MCCC1: variants seen among roughly 807,000 people sequenced by gnomAD.
MCCC1 encodes the protein methylcrotonoyl-CoA carboxylase subunit alpha, mitochondrial.
In MCCC1, 64 loss-of-function variants were observed where a neutral mutation model predicts 83.8. The observed-to-expected ratio is 0.76, with a 90% confidence interval of 0.62 to 0.94. The LOEUF is 0.94. Among genes scored for constraint, MCCC1 ranks in the 40% least tolerant of loss-of-function variants. The probability of loss-of-function intolerance (pLI) is 0.00; values close to 1 mark genes in which losing one functional copy is unlikely to be tolerated. For missense variants in MCCC1, 807 were observed against 904.7 expected (o/e 0.89, Z 1.39); for synonymous variants, 322 against 315.4 (o/e 1.02, Z -0.22).
In MCCC1 at chr3:183,071,068, G is replaced by A; in HGVS notation, c.692C>T (p.Ala231Val). ...GAAAGACTTCTTAGCTTCTCTCCGT[G>A]CTGACTCTAACTGTTCTTGAAATTC... ...EQEFQEQLES[A>V]RREAKKSFND... Residue 231 changes from alanine (A) to valine (V), a missense_variant, in exon 7 of 19, where the codon GCA (alanine) becomes GTA (valine). Physicochemically the swap from Ala to Val is moderately conservative, Grantham distance 64. Transcript: ENST00000265594. 2 of 1,614,156 alleles carry A rather than the reference G, an allele frequency of 1.2e-6. No individual in the cohort carries two copies. Among genetic ancestry groups the A allele is most frequent in the African/African-American group, 1.3e-5 (1 of 75,044 alleles).
intron 17 of MCCC1, among the ~76,000 whole-genome samples, chr3:183,018,871 A>C (rs1239372159): frequency 6.6e-6 from 1 of 152,198 alleles, no homozygotes; most frequent in Non-Finnish European, 1.5e-5. Flanking sequence ...AACAGAATCA[A>C]ACTTATTAGC....
At chr3:183,100,130 C>CA (rs1247135609), upstream of MCCC1, among the ~76,000 whole-genome samples, 5 of 151,904 alleles carry the variant, frequency 3.3e-5, no homozygotes, top group Non-Finnish European at 7.4e-5. Flanking sequence ...CACAGGTTCA[C>CA]AAAAAATAAA....
chr3:183,105,707 A>AG (rs1190037334), intron 1 of MCCC1, among the ~76,000 whole-genome samples: 5 of 152,306 alleles, frequency 3.3e-5, no homozygotes, highest in South Asian at 2.1e-4. Flanking sequence ...GAAGAAAGAA[A>AG]AAAAAAAACT....
At chr3:183,108,209 T>C (rs1172122653) in intron 1 of MCCC1, among the ~76,000 whole-genome samples, 2 of 152,228 alleles carry the variant, frequency 1.3e-5, no homozygotes, top group Non-Finnish European at 2.9e-5. Flanking sequence ...CTGTGGGTTG[T>C]TGGCCTAGGG....
intron 4 of MCCC1, among the ~76,000 whole-genome samples, chr3:183,078,284 T>G (rs1717228795): frequency 1.3e-5 from 2 of 152,210 alleles, no homozygotes; most frequent in South Asian, 4.1e-4. Flanking sequence ...TCTCCCAAAA[T>G]GCTGGGGATT....
At chr3:183,038,925 G>T in intron 12 of MCCC1, 101 bp downstream of exon 12, 1 of 1,072,344 alleles carries the variant, frequency 9.3e-7, no homozygotes, top group Non-Finnish European at 1.4e-6. Flanking sequence ...GATGGAAATA[G>T]AAAATATGCT....
At position 183,037,484 on chromosome 3, in the gene MCCC1, G is replaced by T. The variant is rs1713723297; in HGVS notation, c.1378-50C>A. 3 of 1,441,530 alleles carry T rather than the reference G, an allele frequency of 2.1e-6. No individual in the cohort carries two copies. In the South Asian group the frequency reaches 3.5e-5, roughly 17 times the overall value. The allele number at this position is 1,441,530 out of a possible 1,614,324, so 89.3% of individuals were successfully genotyped here. A position where few individuals can be genotyped will look rare whatever the true frequency, so the allele number is the denominator to read the frequency against. ...TCCTGCTGAGTGGGGAAAACAATAT[G>T]TTCAGAAAACCATCTGCTCTTTTTA... is the stretch of plus-strand genomic sequence containing the variant. On this transcript the variant is annotated intron_variant, in intron 12 of 18. Transcript: ENST00000265594.
chr3:183,066,683 A>T (rs2108519100), intron 7 of MCCC1, among the ~76,000 whole-genome samples: 1 of 152,368 alleles, frequency 6.6e-6, no homozygotes, highest in African/African-American at 2.4e-5. Flanking sequence ...TTGTGACATT[A>T]GAAAAGGGAA....
At chr3:183,019,746 G>C (rs549316877) in intron 17 of MCCC1, among the ~76,000 whole-genome samples, 5 of 152,124 alleles carry the variant, frequency 3.3e-5, no homozygotes, top group Non-Finnish European at 7.3e-5. Context: ...CATTAACGCA[G>C]ATGCAACTAC....
chr3:183,018,273 G>C (rs369090617), intron 17 of MCCC1, among the ~76,000 whole-genome samples: 300 of 71,408 alleles, frequency 4.2e-3, no homozygotes, highest in South Asian at 6.2e-3. Flanking sequence ...AGGCCTACAG[G>C]TCAAATGTAC....
rs1483405301 is a variant in MCCC1, at chr3:183,064,031, T to C, written c.762-6609A>G. Among the ~76,000 whole-genome samples, 2 of 152,152 alleles carry C rather than the reference T, an allele frequency of 1.3e-5. No individual in the cohort carries two copies. The highest frequency in any genetic ancestry group is 2.9e-5 in the Non-Finnish European group (2 of 68,008). On this transcript the variant is annotated intron_variant, in intron 7 of 18. Transcript: ENST00000265594. This position sits in a 1 kb window ranked among gnomAD's most constrained non-coding sequence, Gnocchi z 4.5. ...CTGAACTTGGGTTTGAAGCCCAACT[T>C]AGGAAGGTTAGATTCCTTCCTAAGA... is the stretch of plus-strand genomic sequence containing the variant.
chr3:183,019,514 C>T (rs529166019), intron 17 of MCCC1, among the ~76,000 whole-genome samples: 2 of 152,238 alleles, frequency 1.3e-5, no homozygotes, highest in Admixed American at 1.3e-4. Context: ...TTTATGAAAT[C>T]GGTAAGTAGA....
chr3:183,057,621 G>T (rs1008104449), intron 7 of MCCC1, among the ~76,000 whole-genome samples, 199 bp from the exon 8 acceptor site: 6 of 152,196 alleles, frequency 3.9e-5, no homozygotes, highest in Non-Finnish European at 8.8e-5. Flanking sequence ...GCTCATGCCC[G>T]TAATCCCAGC....
chr3:183,057,762 C>T (rs968425222), intron 7 of MCCC1, among the ~76,000 whole-genome samples: 11 of 152,166 alleles, frequency 7.2e-5, no homozygotes, highest in Admixed American at 6.5e-4. Context: ...GTCCCAGCTA[C>T]TCAGGAGGCT....
At chr3:183,099,643 A>G, upstream of MCCC1, 1 of 655,554 alleles carries the variant, frequency 1.5e-6, no homozygotes, top group South Asian at 1.8e-5. Flanking sequence ...AGTAGCGACG[A>G]TTGGGCAGTC....
chr3:183,058,243 C>T (rs780847756), intron 7 of MCCC1, among the ~76,000 whole-genome samples: 1 of 152,100 alleles, frequency 6.6e-6, no homozygotes, highest in Non-Finnish European at 1.5e-5. Flanking sequence ...TAAAATGGCT[C>T]ATCCAGAAAA....
intron 14 of MCCC1, among the ~76,000 whole-genome samples, chr3:183,030,306 T>C (rs2108454063): frequency 6.6e-6 from 1 of 152,216 alleles, no homozygotes; most frequent in African/African-American, 2.4e-5. Flanking sequence ...AGAGACTCCG[T>C]CTCAAAACAA....
At chr3:183,105,644 T>G (rs1719390528) in intron 1 of MCCC1, among the ~76,000 whole-genome samples, 1 of 152,128 alleles carries the variant, frequency 6.6e-6, no homozygotes, top group Admixed American at 6.5e-5. Flanking sequence ...TAGGCCTGTA[T>G]TAGCTATTGT....
At position 183,094,548 on chromosome 3, in the gene MCCC1, T is replaced by G. The variant is rs748077070; in HGVS notation, c.136+11A>C. On this transcript the variant is annotated intron_variant, in intron 2 of 18. Transcript: ENST00000265594. ...AGCAAAATCAAATAGAACAACAAAG[T>G]CTGTCAGTACCTGTGGCTGTTGTGT... 6.2e-7 allele frequency: 1 copy of G among 1,614,004 alleles called. No individual in the cohort carries two copies. The highest frequency in any genetic ancestry group is 8.5e-7 in the Non-Finnish European group (1 of 1,179,860).
Sources: allele counts gnomAD v4.1 joint callset (sites outside exome capture counted in the v4.1 genomes callset), GRCh38; gene constraint gnomAD v4.1.1; non-coding constraint Gnocchi (gnomAD v3.1); transcripts MANE v1.5; gene names NCBI Gene and HGNC (gene_info 2026-07-23, HGNC 2026-07-21).